The following PID1 variants were observed in gnomAD, a reference collection of about 807,000 sequenced individuals.
PID1 encodes the protein PTB-containing, cubilin and LRP1-interacting protein.
PID1 carries 10 observed loss-of-function variants against 19.1 expected under a neutral mutation model. That is an observed-to-expected ratio of 0.52 (90% CI 0.32 to 0.89). The LOEUF (loss-of-function observed/expected upper bound fraction) is 0.89. Ranked by LOEUF, PID1 falls within the 40% of genes least tolerant of loss-of-function variation. The pLI, the probability that PID1 is intolerant of heterozygous loss-of-function variation, is 0.03. For synonymous variants in PID1, 130 were observed against 116.0 expected (o/e 1.12, Z -0.78); for missense variants, 248 against 285.3 (o/e 0.87, Z 0.94).
At chr2:229,086,666 T>C (rs533793100) in intron 2 of PID1, among the ~76,000 whole-genome samples, 113 of 152,312 alleles carry the variant, frequency 7.4e-4, no homozygotes, top group African/African-American at 2.4e-3. Context: ...GAAGGCTTGA[T>C]GGCAGTGAGA....
chr2:229,195,183 T>C (rs1243761196), intron 1 of PID1, among the ~76,000 whole-genome samples: 1 of 151,838 alleles, frequency 6.6e-6, no homozygotes, highest in Non-Finnish European at 1.5e-5. Context: ...ATTTACATGG[T>C]TTCACAAAAT....
At chr2:229,030,665 A>T (rs1250114373) in intron 2 of PID1, among the ~76,000 whole-genome samples, 1 of 152,174 alleles carries the variant, frequency 6.6e-6, no homozygotes, top group Non-Finnish European at 1.5e-5. Context: ...CTTCTAAAAA[A>T]CTTTATTGAA....
At chr2:229,234,161 A>T (rs922267974) in intron 1 of PID1, among the ~76,000 whole-genome samples, 1 of 152,202 alleles carries the variant, frequency 6.6e-6, no homozygotes, top group Non-Finnish European at 1.5e-5. Context: ...AGAGACATTG[A>T]GCCAAAACAG....
At chr2:229,156,096 T>C in intron 1 of PID1, 132 bp from the exon 2 acceptor site, 1 of 720,444 alleles carries the variant, frequency 1.4e-6, no homozygotes, top group Non-Finnish European at 2.3e-6. Context: ...AGATATTTAG[T>C]AAAACAGAGG....
chr2:229,232,776 C>G (rs1238294853), intron 1 of PID1, among the ~76,000 whole-genome samples: 1 of 124,418 alleles, frequency 8.0e-6, no homozygotes, highest in African/African-American at 3.1e-5. Flanking sequence ...TATATATACA[C>G]ACACACACAT....
At chr2:229,193,692 G>A (rs1691311862) in intron 1 of PID1, among the ~76,000 whole-genome samples, 1 of 151,664 alleles carries the variant, frequency 6.6e-6, no homozygotes, top group African/African-American at 2.4e-5. Context: ...GAGAGAGTAT[G>A]TGTGTGTGAA....
chr2:229,252,633 CTG>C (rs532538535), intron 1 of PID1, among the ~76,000 whole-genome samples: 187 of 152,264 alleles, frequency 1.2e-3, no homozygotes, highest in African/African-American at 4.4e-3. Context: ...TTTTTAAACT[CTG>C]TATTCTTCTT....
chr2:229,033,610 C>T (rs920514136), intron 2 of PID1, among the ~76,000 whole-genome samples: 1 of 152,044 alleles, frequency 6.6e-6, no homozygotes, highest in South Asian at 2.1e-4. Flanking sequence ...AGCAAACCAC[C>T]ATGGCACGTG....
rs537487120 is a variant in PID1 at position 229,132,423 on chromosome 2, C to T, written c.177+23395G>A. On this transcript the variant is annotated intron_variant, in intron 2 of 2. Transcript: ENST00000392055. ...ATAAGAACATGAGAGATCCAGCTTT[C>T]GGTGTCACTATCACTGCCGGCTTTT... Among the ~76,000 whole-genome samples, 104 of 152,320 alleles carry T rather than the reference C, an allele frequency of 6.8e-4. 1 individual carries two copies. In the South Asian group the frequency reaches 0.017, roughly 26 times the overall value.
intron 2 of PID1, among the ~76,000 whole-genome samples, chr2:229,153,424 TAAAC>T (rs1690297642): frequency 6.6e-6 from 1 of 152,194 alleles, no homozygotes; most frequent in Non-Finnish European, 1.5e-5. Flanking sequence ...GGAGAGTCCA[TAAAC>T]TTTATATAGC....
chr2:229,136,390 C>T (rs1308251007), intron 2 of PID1, among the ~76,000 whole-genome samples: 3 of 152,032 alleles, frequency 2.0e-5, no homozygotes, highest in East Asian at 1.9e-4. Flanking sequence ...TACTGAACCA[C>T]AGAAACTGAG....
At chr2:229,117,918 T>C (rs781023400) in intron 2 of PID1, among the ~76,000 whole-genome samples, 2 of 152,148 alleles carry the variant, frequency 1.3e-5, no homozygotes, top group African/African-American at 2.4e-5. Flanking sequence ...GAGCTCATGG[T>C]ACCCTGTCCT....
At chr2:229,210,243 C>T (rs1470279830) in intron 1 of PID1, among the ~76,000 whole-genome samples, 2 of 151,658 alleles carry the variant, frequency 1.3e-5, no homozygotes, top group African/African-American at 4.8e-5. Context: ...CCGGGCATGG[C>T]GGCTCGCGCC....
At chr2:229,054,563 A>G (rs1694056733) in intron 2 of PID1, among the ~76,000 whole-genome samples, 1 of 152,066 alleles carries the variant, frequency 6.6e-6, no homozygotes, top group Admixed American at 6.5e-5. Flanking sequence ...TCACAGGGAA[A>G]AATGTTACGT....
At chr2:229,144,734 C>G (rs1050222380) in intron 2 of PID1, among the ~76,000 whole-genome samples, 3 of 152,022 alleles carry the variant, frequency 2.0e-5, no homozygotes, top group Admixed American at 2.0e-4. Flanking sequence ...AAGGTAAACA[C>G]AAGAAGAAAC....
At chr2:229,190,638 C>G (rs1030914282) in intron 1 of PID1, among the ~76,000 whole-genome samples, 2 of 152,232 alleles carry the variant, frequency 1.3e-5, no homozygotes, top group African/African-American at 2.4e-5. Context: ...ATCGGTCTAT[C>G]TACAGCTCAT....
rs552284237 is a variant in PID1, at chr2:229,098,656, T to C, written c.177+57162A>G. ...AATATGTGAGAGTGCTGTTCCTTTC[T>C]CAACCCATTGTCTACTCCTCGATTG... On this transcript the variant is annotated intron_variant, in intron 2 of 2. Coordinates refer to ENST00000392055, the MANE Select transcript of PID1 (RefSeq NM_001100818.2). Among the ~76,000 whole-genome samples, 69 of 152,188 alleles carry C rather than the reference T, an allele frequency of 4.5e-4. 1 individual carries two copies. The highest frequency in any genetic ancestry group is 9.2e-4 in the Admixed American group (14 of 15,260).
chr2:229,054,432 A>C (rs1352387654), intron 2 of PID1, among the ~76,000 whole-genome samples: 2 of 152,164 alleles, frequency 1.3e-5, no homozygotes, highest in African/African-American at 4.8e-5. Flanking sequence ...CACTAGGTAG[A>C]ATCTATGATG....
chr2:229,262,651 T>G, intron 1 of PID1: 1 of 1,548,904 alleles, frequency 6.5e-7, no homozygotes, highest in Non-Finnish European at 8.7e-7. Flanking sequence ...ATAAACTGGG[T>G]AGCTTAAAAC....
Sources: gnomAD v4.1 joint callset for allele counts (sites outside exome capture counted in the v4.1 genomes callset) on GRCh38, gnomAD v4.1.1 for gene constraint, MANE v1.5 for transcripts, NCBI Gene and HGNC (gene_info 2026-07-23, HGNC 2026-07-21) for gene names.